STK36: variants seen among roughly 807,000 people sequenced by gnomAD.
The protein encoded by STK36 is serine/threonine-protein kinase 36.
Under a neutral mutation model 142.2 loss-of-function variants are expected in STK36, and 116 were observed. That is an observed-to-expected ratio of 0.82 (90% CI 0.70 to 0.95). The LOEUF is 0.95. Among genes scored for constraint, STK36 ranks in the 40% least tolerant of loss-of-function variants. The pLI, the probability that STK36 is intolerant of heterozygous loss-of-function variation, is 0.00. For missense variants in STK36, 1,422 were observed against 1,617.2 expected (o/e 0.88, Z 2.07); for synonymous variants, 619 against 641.7 (o/e 0.96, Z 0.53).
intron 6 of STK36, among the ~76,000 whole-genome samples, chr2:218,677,343 C>T (rs746913154): frequency 2.6e-5 from 4 of 152,226 alleles, no homozygotes; most frequent in Non-Finnish European, 5.9e-5. Context: ...CCAGACCCCT[C>T]CTCCAACATT....
intron 10 of STK36, 110 bp downstream of exon 10, chr2:218,680,812 G>T (rs1414775397): frequency 3.9e-6 from 3 of 774,844 alleles, no homozygotes; most frequent in Non-Finnish European, 6.2e-6. Context: ...AGCTCCCTTT[G>T]TGTTAAAAAG....
chr2:218,691,347 G>T (rs1049916203), intron 14 of STK36, among the ~76,000 whole-genome samples: 4 of 152,172 alleles, frequency 2.6e-5, no homozygotes, highest in African/African-American at 9.7e-5. Flanking sequence ...CCTGGTCTGA[G>T]ATCCTGTTTT....
rs762641307 is a variant in STK36, at chr2:218,692,677, G to A, written c.2010G>A (p.Val670=). Residue 670 remains valine (V), a synonymous_variant, in exon 16 of 27, where the codon GTG becomes GTA. Coordinates refer to ENST00000295709, the MANE Select transcript of STK36 (RefSeq NM_015690.5). ...SALAAICTAP[V]GLPDCWDAKE... is the part of the protein sequence containing the mutation. ...TGGCAGCCATATGCACTGCTCCTGTGGGACTGCCCGACTGCTGGGATGCCA... is the reference window on the plus strand; with the variant it reads ...TGGCAGCCATATGCACTGCTCCTGTAGGACTGCCCGACTGCTGGGATGCCA... The A allele has an allele frequency of 2.7e-5, 44 of 1,613,204 alleles. No homozygotes were observed. Among genetic ancestry groups the A allele is most frequent in the Non-Finnish European group, 3.3e-5 (39 of 1,179,888 alleles).
intron 6 of STK36, 108 bp from the exon 7 acceptor site, chr2:218,679,060 A>G (rs1940382102): frequency 2.9e-6 from 3 of 1,038,324 alleles, no homozygotes; most frequent in Non-Finnish European, 1.4e-6. Flanking sequence ...AGAGCAGCTC[A>G]TCTGCTGTGA....
chr2:218,678,554 A>G (rs2710250), intron 6 of STK36, among the ~76,000 whole-genome samples: 82,671 of 152,062 alleles, frequency 0.54, 25,621 homozygotes, highest in African/African-American at 0.85. Context: ...TAATCTACTA[A>G]TACCTCTGTT....
At chr2:218,677,704 G>T (rs1940318640) in intron 6 of STK36, among the ~76,000 whole-genome samples, 1 of 152,194 alleles carries the variant, frequency 6.6e-6, no homozygotes, top group African/African-American at 2.4e-5. Context: ...CAGTGATTAG[G>T]GGCAGATGAT....
intron 16 of STK36, among the ~76,000 whole-genome samples, 182 bp from the exon 17 acceptor site, chr2:218,693,058 G>A (rs1479583135): frequency 6.6e-6 from 1 of 152,180 alleles, no homozygotes; most frequent in Admixed American, 6.5e-5. Flanking sequence ...GGCCAAACTA[G>A]GCCATGACTT....
rs1941344913 is a variant in STK36 at position 218,699,006 on chromosome 2, C to T, written c.3462C>T (p.Leu1154=). The T allele has an allele frequency of 6.2e-7, 1 of 1,614,158 alleles. No individual in the cohort carries two copies. Among genetic ancestry groups the T allele is most frequent in the Non-Finnish European group, 8.5e-7 (1 of 1,180,032 alleles). ...CACTGCAGAGCCAGTCTGGACTGCT[C>T]AGCCTTCTGCTGCTTGGGCTTGGAG... is the stretch of plus-strand genomic sequence containing the variant. The part of the protein sequence containing the change: ...RGALQSQSGL[L]SLLLLGLGDK... Residue 1154 remains leucine (L), a synonymous_variant, in exon 26 of 27, where the codon CTC becomes CTT. Coordinates refer to ENST00000295709, the MANE Select transcript of STK36 (RefSeq NM_015690.5).
rs766894070 is a variant in STK36 at position 218,676,009 on chromosome 2, C to T, written c.435-20C>T. On this transcript the variant is annotated intron_variant, in intron 5 of 26. Transcript: ENST00000295709. The stretch of plus-strand genomic sequence containing the variant: ...AGAATATCTTTTCCCTTTCCATTTC[C>T]ATCCCATTATCTTCTGCAGATTTGC... The T allele has an allele frequency of 6.2e-6, 10 of 1,611,376 alleles. No individual in the cohort carries two copies. In the South Asian group the frequency reaches 7.7e-5, roughly 12 times the overall value.
intron 16 of STK36, among the ~76,000 whole-genome samples, 196 bp from the exon 17 acceptor site, chr2:218,693,044 C>G (rs1190016372): frequency 6.6e-6 from 1 of 152,208 alleles, no homozygotes; most frequent in Non-Finnish European, 1.5e-5. Flanking sequence ...CCTGGCTACA[C>G]TGGGGCCAAA....
chr2:218,698,573 C>A (rs1294420708), intron 25 of STK36, 29 bp from the exon 26 acceptor site: 2 of 1,603,624 alleles, frequency 1.2e-6, no homozygotes, highest in Non-Finnish European at 1.7e-6. Context: ...CTCTCTCTCC[C>A]TGAATCCTTT....
rs1255297571 is a variant in STK36, at chr2:218,684,902, C to T, written c.1237-183C>T. 1.6e-5 allele frequency: 10 copies of T among 632,528 alleles called. No homozygotes were observed. The Admixed American group carries it at 3.0e-4, about 19-fold the overall frequency. The allele number at this position is 632,528 out of a possible 1,614,324, so 39.2% of individuals were successfully genotyped here. Reference sequence around the variant, plus strand: ...GCCGGTGTTCTCCAAGAGACTCTTCCAGACCCCTCACAGACTGCCAGCTGT... The same window carrying T: ...GCCGGTGTTCTCCAAGAGACTCTTCTAGACCCCTCACAGACTGCCAGCTGT... On this transcript the variant is annotated intron_variant, in intron 10 of 26. Transcript: ENST00000295709.
At chr2:218,693,603 AC>A (rs768316391) in intron 17 of STK36, 119 bp from the exon 18 acceptor site, 3 of 988,584 alleles carry the variant, frequency 3.0e-6, no homozygotes, top group Non-Finnish European at 4.5e-6. Flanking sequence ...GGGTTCTCTC[AC>A]ACTCCCAAGT....
chr2:218,675,217 T>C (rs755137692), intron 4 of STK36, 126 bp from the exon 5 acceptor site: 35 of 1,005,574 alleles, frequency 3.5e-5, no homozygotes, highest in Non-Finnish European at 4.9e-5. Context: ...GAAAGAATAG[T>C]GTGAAGCTCT....
chr2:218,697,934 A>T lies in STK36; in HGVS notation c.2990A>T (p.Asp997Val). The T allele has an allele frequency of 6.2e-7, 1 of 1,614,126 alleles. No homozygotes were observed. The highest frequency in any genetic ancestry group is 1.1e-5 in the South Asian group (1 of 91,086). The change falls in exon 25 of 27, where the codon GAT becomes GTT. Residue 997 changes from aspartate to valine, a missense_variant. Transcript: ENST00000295709. ...TGCTTCCCCTTTGCGCTGGACATGG[A>T]TGCTGACCTCCTTATAGGTGTCTTG... ...LLCFPFALDM[D>V]ADLLIGVLAD... is the part of the protein sequence containing the mutation.
At chr2:218,681,121 C>T (rs1238377574) in intron 10 of STK36, among the ~76,000 whole-genome samples, 1 of 151,684 alleles carries the variant, frequency 6.6e-6, no homozygotes, top group African/African-American at 2.4e-5. Context: ...TGTAGTTTTA[C>T]CACAATCGTT....
intron 3 of STK36, 54 bp downstream of exon 3, chr2:218,673,819 T>C: frequency 6.2e-7 from 1 of 1,613,842 alleles, no homozygotes; most frequent in African/African-American, 1.3e-5. Flanking sequence ...GTTCCAGGAA[T>C]TTCCCAACCT....
At position 218,679,630 on chromosome 2, in the gene STK36, C is replaced by A. The variant is rs1409064078; in HGVS notation, c.849C>A (p.Val283=). The change falls in exon 8 of 27, where the codon GTC becomes GTA. Residue 283 remains valine (V), a synonymous_variant. Coordinates refer to ENST00000295709, the MANE Select transcript of STK36 (RefSeq NM_015690.5). ...FTSRLPPELQ[V]LKDEQAHRLA... is the part of the protein sequence containing the mutation. ...GCCGCCTACCCCCAGAACTTCAGGT[C>A]CTAAAGGACGAACAGGCCCATCGGT... The A allele has an allele frequency of 6.2e-7, 1 of 1,614,134 alleles. No individual in the cohort carries two copies. The highest frequency in any genetic ancestry group is 8.5e-7 in the Non-Finnish European group (1 of 1,180,018).
chr2:218,688,790 T>G lies in STK36; in HGVS notation c.1474T>G (p.Leu492Val), dbSNP rs1295611214. ...LLSSCSDSVA[L>V]YSFCREAGLP... Reference sequence around the variant, plus strand: ...CTCCAGCTGCAGTGATTCTGTTGCCTTGTATTCCTTCTGCCGGGAGGCAGG... The same window carrying G: ...CTCCAGCTGCAGTGATTCTGTTGCCGTGTATTCCTTCTGCCGGGAGGCAGG... Residue 492 changes from leucine to valine, a missense_variant, in exon 12 of 27, where the codon TTG becomes GTG. Transcript: ENST00000295709. 11 of 1,614,148 alleles carry G rather than the reference T, an allele frequency of 6.8e-6. No individual in the cohort carries two copies. The highest frequency in any genetic ancestry group is 8.5e-6 in the Non-Finnish European group (10 of 1,180,018).
Sources: allele counts gnomAD v4.1 joint callset (sites outside exome capture counted in the v4.1 genomes callset), GRCh38; gene constraint gnomAD v4.1.1; transcripts MANE v1.5; gene names NCBI Gene and HGNC (gene_info 2026-07-23, HGNC 2026-07-21).